The following RALGAPA2 variants were observed in gnomAD, a reference collection of about 807,000 sequenced individuals.
The protein encoded by RALGAPA2 is Ral GTPase activating protein catalytic subunit alpha 2.
In RALGAPA2, 139 loss-of-function variants were observed where a neutral mutation model predicts 230.4. The observed-to-expected ratio is 0.60, with a 90% CI of 0.53 to 0.69. The LOEUF is 0.69. Among genes scored for constraint, RALGAPA2 ranks in the 30% least tolerant of loss-of-function variants. The pLI, the probability that RALGAPA2 is intolerant of heterozygous loss-of-function variation, is 0.00. For missense variants in RALGAPA2, 2,163 were observed against 2,276.0 expected (o/e 0.95, Z 1.01); for synonymous variants, 847 against 837.8 (o/e 1.01, Z -0.19).
At chr20:20,565,157 A>C (rs2064374380) in intron 23 of RALGAPA2, among the ~76,000 whole-genome samples, 1 of 152,234 alleles carries the variant, frequency 6.6e-6, no homozygotes, top group Non-Finnish European at 1.5e-5. Context: ...ACATGTATTA[A>C]AATTATTTCC....
At chr20:20,710,915 G>A (rs956672887) in intron 1 of RALGAPA2, among the ~76,000 whole-genome samples, 5 of 152,168 alleles carry the variant, frequency 3.3e-5, no homozygotes, top group African/African-American at 1.2e-4. Flanking sequence ...CCTGCAGTAG[G>A]TGTTAATCAG....
At chr20:20,691,137 G>A (rs914862782) in intron 1 of RALGAPA2, among the ~76,000 whole-genome samples, 8 of 152,060 alleles carry the variant, frequency 5.3e-5, no homozygotes, top group African/African-American at 9.6e-5. Context: ...CCACTCTCTC[G>A]TCACCCGCTA....
intron 25 of RALGAPA2, 139 bp from the exon 26 acceptor site, chr20:20,535,942 G>T (rs1194630141): frequency 1.6e-5 from 21 of 1,338,334 alleles, no homozygotes; most frequent in South Asian, 1.9e-5. Context: ...GTGAGAGCCT[G>T]GGGGGAAGAA....
In RALGAPA2 at chr20:20,503,360, G is replaced by A; in HGVS notation, c.5199C>T (p.Leu1733=). ...TRMPSDSDDS[L]TKKLRHLGND... Reference sequence around the variant, plus strand: ...CGAGGAGACCCCTTACCTTTTTGGTGAGGGAATCATCTGAGTCTGACGGCA... The same window carrying A: ...CGAGGAGACCCCTTACCTTTTTGGTAAGGGAATCATCTGAGTCTGACGGCA... The change falls in exon 35 of 40, where the codon CTC becomes CTT. Residue 1733 remains leucine (L), a synonymous_variant. Transcript: ENST00000202677. 1 of 1,587,742 alleles carries A rather than the reference G, an allele frequency of 6.3e-7. No individual in the cohort carries two copies. The highest frequency in any genetic ancestry group is 8.6e-7 in the Non-Finnish European group (1 of 1,163,508).
chr20:20,585,829 T>C (rs1441484722), intron 18 of RALGAPA2, among the ~76,000 whole-genome samples: 1 of 152,008 alleles, frequency 6.6e-6, no homozygotes, highest in Non-Finnish European at 1.5e-5. Context: ...CCAGTGGGCC[T>C]TGAACCTTAG....
chr20:20,430,767 C>T (rs560394579), intron 37 of RALGAPA2, among the ~76,000 whole-genome samples: 4 of 152,276 alleles, frequency 2.6e-5, no homozygotes, highest in South Asian at 4.2e-4. Context: ...TGAAACATCA[C>T]GTATGTACAT....
chr20:20,700,810 T>C (rs1373240659), intron 1 of RALGAPA2, among the ~76,000 whole-genome samples: 1 of 152,176 alleles, frequency 6.6e-6, no homozygotes, highest in African/African-American at 2.4e-5. Context: ...GAGAATTCAT[T>C]TGGGAGAAAC....
intron 37 of RALGAPA2, among the ~76,000 whole-genome samples, chr20:20,430,150 A>G (rs1348252822): frequency 1.3e-5 from 2 of 152,228 alleles, no homozygotes; most frequent in African/African-American, 4.8e-5. Context: ...AGTGAGGGGA[A>G]TGATGCCACA....
intron 36 of RALGAPA2, among the ~76,000 whole-genome samples, chr20:20,479,561 G>A (rs533163705): frequency 3.9e-4 from 60 of 152,308 alleles, no homozygotes; most frequent in African/African-American, 1.4e-3. Flanking sequence ...TTAAACAAGT[G>A]TTTAATAAAA....
At chr20:20,653,195 CAAAAAAAAAAAAAAAAAA>C (rs60906434) in intron 4 of RALGAPA2, among the ~76,000 whole-genome samples, 2 of 27,512 alleles carry the variant, frequency 7.3e-5, no homozygotes, top group Non-Finnish European at 1.5e-4. Flanking sequence ...GACTCCATCT[CAAAAAAAAAAAAAAAAAA>C]AAAAAAAAAA....
chr20:20,414,686 A>C (rs2060132449), intron 37 of RALGAPA2, among the ~76,000 whole-genome samples: 1 of 152,306 alleles, frequency 6.6e-6, no homozygotes, highest in South Asian at 2.1e-4. Context: ...TGATTCAATG[A>C]ATATTTATGG....
At chr20:20,557,739 A>G (rs186121760) in intron 23 of RALGAPA2, among the ~76,000 whole-genome samples, 3 of 152,330 alleles carry the variant, frequency 2.0e-5, no homozygotes, top group Admixed American at 6.5e-5. Context: ...AATTTGGGTA[A>G]CAAAGGTATT....
At chr20:20,542,493 T>C (rs2063673352) in intron 24 of RALGAPA2, among the ~76,000 whole-genome samples, 1 of 152,190 alleles carries the variant, frequency 6.6e-6, no homozygotes, top group African/African-American at 2.4e-5. Context: ...GGCATCACGA[T>C]ACCTGACTTC....
At chr20:20,432,859 C>G (rs1050504015) in intron 37 of RALGAPA2, among the ~76,000 whole-genome samples, 1 of 152,160 alleles carries the variant, frequency 6.6e-6, no homozygotes, top group African/African-American at 2.4e-5. Flanking sequence ...CTGCAATTGT[C>G]CACCCTCAAG....
chr20:20,686,964 C>T (rs2068726290), intron 1 of RALGAPA2, among the ~76,000 whole-genome samples: 1 of 152,108 alleles, frequency 6.6e-6, no homozygotes, highest in East Asian at 1.9e-4. Flanking sequence ...AGGGAATGAC[C>T]CCCCTGCACC....
intron 1 of RALGAPA2, among the ~76,000 whole-genome samples, chr20:20,708,029 A>G (rs567844769): frequency 2.0e-5 from 3 of 152,252 alleles, no homozygotes; most frequent in African/African-American, 7.2e-5. Context: ...CACTTGAAAA[A>G]CAGCTAGTGT....
At chr20:20,458,851 T>C (rs1239328813) in intron 37 of RALGAPA2, among the ~76,000 whole-genome samples, 1 of 133,408 alleles carries the variant, frequency 7.5e-6, no homozygotes, top group Non-Finnish European at 1.5e-5. Context: ...TATATATATA[T>C]AGACCTATAT....
chr20:20,685,094 A>C (rs6137096), intron 1 of RALGAPA2, among the ~76,000 whole-genome samples: 12,242 of 152,022 alleles, frequency 0.081, 691 homozygotes, highest in East Asian at 0.16. Context: ...TTTCAAGAAA[A>C]ACAGAGATAT....
intron 27 of RALGAPA2, among the ~76,000 whole-genome samples, chr20:20,527,673 C>T (rs2063252075): frequency 6.6e-6 from 1 of 151,884 alleles, no homozygotes; most frequent in Non-Finnish European, 1.5e-5. Flanking sequence ...CCTATTAGAT[C>T]TCCTTCACAG....
Sources: gnomAD v4.1 joint callset for allele counts (sites outside exome capture counted in the v4.1 genomes callset) on GRCh38, gnomAD v4.1.1 for gene constraint, MANE v1.5 for transcripts, NCBI Gene and HGNC (gene_info 2026-07-23, HGNC 2026-07-21) for gene names.